Variants in SNCAIP observed in about 807,000 individuals in gnomAD.
SNCAIP encodes the protein synphilin-1.
Under a neutral mutation model 86.7 loss-of-function variants are expected in SNCAIP, and 43 were observed. The observed-to-expected ratio is 0.50, with a 90% CI of 0.39 to 0.64. SNCAIP has a LOEUF of 0.64. SNCAIP is among the 30% of genes least tolerant of loss of function. The pLI is 0.00. For missense variants in SNCAIP, 981 were observed against 1,103.1 expected (o/e 0.89, Z 1.57); for synonymous variants, 417 against 427.2 (o/e 0.98, Z 0.29).
intron 7 of SNCAIP, among the ~76,000 whole-genome samples, chr5:122,443,384 A>T (rs538693368): frequency 6.6e-6 from 1 of 152,348 alleles, no homozygotes; most frequent in African/African-American, 2.4e-5. Context: ...ATGGACACAA[A>T]ATAGTTTGGA....
rs544342959 is a variant in SNCAIP, at chr5:122,318,526, T to A, written c.-47+6242T>A. ...TGTATCTCAAAAATTTTTAAATAAA[T>A]GAGAGAAAAATGTGTGTTGAATCAT... On this transcript the variant is annotated intron_variant, in intron 1 of 10. Transcript: ENST00000261368. Among the ~76,000 whole-genome samples the A allele has an allele frequency of 1.4e-3, 213 of 152,298 alleles. 2 individuals carry two copies. The highest frequency in any genetic ancestry group is 5.0e-3 in the African/African-American group (209 of 41,576).
intron 2 of SNCAIP, chr5:122,401,039 C>T (rs1771703435): frequency 7.7e-6 from 12 of 1,550,082 alleles, no homozygotes; most frequent in Middle Eastern, 1.7e-4. Context: ...AGGACACAGA[C>T]AGGGAAGATG....
intron 1 of SNCAIP, among the ~76,000 whole-genome samples, chr5:122,378,533 T>A (rs1361509822): frequency 7.0e-6 from 1 of 143,156 alleles, no homozygotes; most frequent in Non-Finnish European, 1.5e-5. Context: ...GTGCAGAAGC[T>A]CTTTAGTTTA....
chr5:122,455,407 A>G (rs994082142), intron 10 of SNCAIP, among the ~76,000 whole-genome samples: 1 of 152,216 alleles, frequency 6.6e-6, no homozygotes, highest in Non-Finnish European at 1.5e-5. Context: ...GCAAGAAGGA[A>G]AGGAACTAAA....
intron 2 of SNCAIP, among the ~76,000 whole-genome samples, chr5:122,399,332 C>T (rs1771286172): frequency 6.6e-6 from 1 of 152,094 alleles, no homozygotes; most frequent in East Asian, 1.9e-4. Flanking sequence ...AACTGAGCCC[C>T]AGAGATATTA....
At chr5:122,449,962 G>T (rs1292213384) in intron 9 of SNCAIP, 25 bp downstream of exon 9, 2 of 1,465,830 alleles carry the variant, frequency 1.4e-6, no homozygotes, top group Admixed American at 3.3e-5. Context: ...TTGTTGTTTA[G>T]CATTCTTAAG....
At chr5:122,445,953 T>A (rs1782213270) in intron 8 of SNCAIP, among the ~76,000 whole-genome samples, 1 of 152,022 alleles carries the variant, frequency 6.6e-6, no homozygotes, top group Non-Finnish European at 1.5e-5. Flanking sequence ...ATAATTTCTT[T>A]AATGAGTTTA....
intron 1 of SNCAIP, among the ~76,000 whole-genome samples, chr5:122,341,547 C>T (rs973445912): frequency 1.3e-5 from 2 of 152,126 alleles, no homozygotes; most frequent in Non-Finnish European, 2.9e-5. Context: ...AGGTTTAATC[C>T]TTCGAAAATT....
chr5:122,352,624 A>G (rs1372124476), intron 1 of SNCAIP, among the ~76,000 whole-genome samples: 4 of 152,204 alleles, frequency 2.6e-5, no homozygotes, highest in Non-Finnish European at 5.9e-5. Flanking sequence ...CTCCATGCAA[A>G]TGAGTTACAG....
At chr5:122,313,399 GA>G (rs1751046173) in intron 1 of SNCAIP, among the ~76,000 whole-genome samples, 1 of 152,218 alleles carries the variant, frequency 6.6e-6, no homozygotes, top group Non-Finnish European at 1.5e-5. Context: ...GCTGTCTGGG[GA>G]AGTTTATGAG....
At chr5:122,332,259 C>T (rs536270487) in intron 1 of SNCAIP, among the ~76,000 whole-genome samples, 26 of 152,254 alleles carry the variant, frequency 1.7e-4, no homozygotes, top group African/African-American at 5.8e-4. Flanking sequence ...ACTTAACAGT[C>T]GACCATCAGC....
intron 10 of SNCAIP, among the ~76,000 whole-genome samples, chr5:122,460,617 CAA>C (rs1785952319): frequency 6.6e-6 from 1 of 152,122 alleles, no homozygotes; most frequent in Non-Finnish European, 1.5e-5. Context: ...GTATCACTCT[CAA>C]GAGCTAAATC....
chr5:122,406,491 T>C (rs1452547405), intron 3 of SNCAIP, among the ~76,000 whole-genome samples: 2 of 152,136 alleles, frequency 1.3e-5, no homozygotes, highest in African/African-American at 4.8e-5. Context: ...AAACCTCATG[T>C]TGAATGGTAA....
At chr5:122,315,360 T>C (rs1017585152) in intron 1 of SNCAIP, among the ~76,000 whole-genome samples, 4 of 152,154 alleles carry the variant, frequency 2.6e-5, no homozygotes, top group Non-Finnish European at 5.9e-5. Context: ...GCAAATCAAA[T>C]AGTGTTGTAA....
rs536669032 is a variant in SNCAIP at position 122,448,876 on chromosome 5, C to T, written c.1593-969C>T. On this transcript the variant is annotated intron_variant, in intron 8 of 10. Coordinates refer to ENST00000261368, the MANE Select transcript of SNCAIP (RefSeq NM_005460.4). ...CTAAAAATACAAAAAATTAGCTGGGCGGAGTGGCGGGTGCCTGTAGTCCCA... is the reference window on the plus strand; with the variant it reads ...CTAAAAATACAAAAAATTAGCTGGGTGGAGTGGCGGGTGCCTGTAGTCCCA... 2.1e-4 allele frequency among the ~76,000 whole-genome samples: 32 copies of T among 150,260 alleles called. No homozygotes were observed. In the South Asian group the frequency reaches 5.5e-3, roughly 26 times the overall value.
At chr5:122,390,253 A>G (rs931779576) in intron 1 of SNCAIP, among the ~76,000 whole-genome samples, 1 of 152,200 alleles carries the variant, frequency 6.6e-6, no homozygotes, top group South Asian at 2.1e-4. Context: ...ATAACTGCAC[A>G]CCAAGGCGCT....
intron 2 of SNCAIP, among the ~76,000 whole-genome samples, chr5:122,391,897 A>G (rs1769447832): frequency 6.6e-6 from 1 of 152,182 alleles, no homozygotes. Flanking sequence ...TACGCTAGCA[A>G]ACATGTTGGC....
In SNCAIP at chr5:122,449,943, A is replaced by C; in HGVS notation, c.1685+6A>C. ...TCACTCCCTTCTTCACCCAGGTAAT[A>C]CCAGCACATTGTTGTTTAGCATTCT... On this transcript the variant is annotated splice_donor_region_variant and intron_variant, in intron 9 of 10. Transcript: ENST00000261368. The C allele has an allele frequency of 6.3e-7, 1 of 1,583,054 alleles. No homozygotes were observed. Among genetic ancestry groups the C allele is most frequent in the African/African-American group, 1.3e-5 (1 of 74,404 alleles).
rs1776779812 is a variant in SNCAIP, at chr5:122,423,403, A to T, written c.666A>T (p.Ser222=). 6.2e-7 allele frequency: 1 copy of T among 1,613,742 alleles called. No individual in the cohort carries two copies. The highest frequency in any genetic ancestry group is 1.1e-5 in the South Asian group (1 of 91,066). The change falls in exon 4 of 11, where the codon TCA becomes TCT. Residue 222 remains serine, a synonymous_variant. Coordinates refer to ENST00000261368, the MANE Select transcript of SNCAIP (RefSeq NM_005460.4). ...PVKSPHLRKA[S]AVIHDQHKLS... ...AAAGCCCTCACTTGAGAAAAGCATC[A>T]GCTGTCATCCACGACCAGCACAAGC...
Sources: allele counts gnomAD v4.1 joint callset (sites outside exome capture counted in the v4.1 genomes callset), GRCh38; gene constraint gnomAD v4.1.1; transcripts MANE v1.5; gene names NCBI Gene and HGNC (gene_info 2026-07-23, HGNC 2026-07-21).